STK38L: variants seen among roughly 807,000 people sequenced by gnomAD.
STK38L encodes serine/threonine-protein kinase 38-like.
STK38L carries 28 observed loss-of-function variants against 59.7 expected under a neutral mutation model. The ratio of observed to expected loss-of-function variants is 0.47; its 90% CI spans 0.35 to 0.64. The LOEUF is 0.64. STK38L is among the 30% of genes least tolerant of loss of function. The pLI is 0.01. For missense variants in STK38L, 314 were observed against 555.8 expected (o/e 0.56, Z 4.37); for synonymous variants, 162 against 176.8 (o/e 0.92, Z 0.66).
intron 1 of STK38L, among the ~76,000 whole-genome samples, chr12:27,268,364 T>C (rs375751105): frequency 2.6e-5 from 4 of 151,792 alleles, no homozygotes; most frequent in East Asian, 1.9e-4. Context: ...TGAGAACATG[T>C]GGTGTTTGGT....
At chr12:27,266,877 T>G (rs1943311869) in intron 1 of STK38L, among the ~76,000 whole-genome samples, 1 of 152,222 alleles carries the variant, frequency 6.6e-6, no homozygotes, top group Admixed American at 6.5e-5. Flanking sequence ...TGTTCCTTCC[T>G]TCATAGGTTC....
chr12:27,315,459 A>C (rs1302702500), intron 9 of STK38L, 109 bp downstream of exon 9: 1 of 829,066 alleles, frequency 1.2e-6, no homozygotes, highest in Non-Finnish European at 1.8e-6. Context: ...CTTCATAACA[A>C]TGGTAGCGCT....
At chr12:27,273,192 C>A (rs1464811637) in intron 1 of STK38L, among the ~76,000 whole-genome samples, 1 of 151,400 alleles carries the variant, frequency 6.6e-6, no homozygotes, top group South Asian at 2.1e-4. Flanking sequence ...CTTTATTGAT[C>A]CCTGTAAGTG....
At chr12:27,283,919 C>T (rs1390690363) in intron 1 of STK38L, among the ~76,000 whole-genome samples, 2 of 152,144 alleles carry the variant, frequency 1.3e-5, no homozygotes, top group African/African-American at 2.4e-5. Context: ...GCTAAATATA[C>T]GTTTAGAAGT....
At chr12:27,294,063 T>TA (rs1169416754) in intron 1 of STK38L, among the ~76,000 whole-genome samples, 30 of 152,288 alleles carry the variant, frequency 2.0e-4, no homozygotes, top group African/African-American at 6.3e-4. Flanking sequence ...CCACCCCAAA[T>TA]ATTTGTTGAA....
At chr12:27,311,140 G>A (rs1944444882) in intron 5 of STK38L, among the ~76,000 whole-genome samples, 2 of 152,160 alleles carry the variant, frequency 1.3e-5, no homozygotes, top group Admixed American at 1.3e-4. Context: ...CCATGTTTAT[G>A]TTGTAGTTGT....
chr12:27,286,465 A>G (rs1022850885), intron 1 of STK38L, among the ~76,000 whole-genome samples: 1 of 152,220 alleles, frequency 6.6e-6, no homozygotes, highest in Non-Finnish European at 1.5e-5. Flanking sequence ...TGTACTTGAA[A>G]ATAGAACTTT....
At chr12:27,304,279 AAG>A (rs1555141229) in intron 3 of STK38L, among the ~76,000 whole-genome samples, 3 of 151,180 alleles carry the variant, frequency 2.0e-5, no homozygotes, top group South Asian at 2.1e-4. Flanking sequence ...AAAAAAAAAA[AAG>A]AGTTTCTATA....
chr12:27,282,186 G>A (rs921562881), intron 1 of STK38L, among the ~76,000 whole-genome samples: 1 of 152,078 alleles, frequency 6.6e-6, no homozygotes, highest in Non-Finnish European at 1.5e-5. Context: ...CTCAACTTTC[G>A]AGTCAGGTGA....
At chr12:27,319,306 T>G (rs1349357723) in intron 11 of STK38L, 22 bp from the exon 12 acceptor site, 8 of 1,513,200 alleles carry the variant, frequency 5.3e-6, no homozygotes, top group Non-Finnish European at 9.2e-7. Flanking sequence ...TGTATGATAA[T>G]TTCTCTGTTT....
chr12:27,322,108 A>G, intron 12 of STK38L, 35 bp from the exon 13 acceptor site: 1 of 1,578,840 alleles, frequency 6.3e-7, no homozygotes, highest in Non-Finnish European at 8.6e-7. Flanking sequence ...AGAGTTCAAG[A>G]AAAGTTACCA....
chr12:27,253,584 G>C (rs1300705612), intron 1 of STK38L, among the ~76,000 whole-genome samples: 1 of 152,170 alleles, frequency 6.6e-6, no homozygotes, highest in East Asian at 1.9e-4. Context: ...ATTCACAGGG[G>C]TAGAAATAGC....
At chr12:27,294,675 A>G (rs1012996765) in intron 1 of STK38L, among the ~76,000 whole-genome samples, 1 of 150,826 alleles carries the variant, frequency 6.6e-6, no homozygotes, top group African/African-American at 2.4e-5. Flanking sequence ...GATGTTTTCT[A>G]TACACGATCC....
rs1277603083 is a variant in STK38L at position 27,317,379 on chromosome 12, T to C, written c.881T>C (p.Val294Ala). ...ACACCAGATTACATTGCTCCAGAAG[T>C]ATTCATGCAGACTGGTTACAACAAA... is the stretch of plus-strand genomic sequence containing the variant. ...VGTPDYIAPE[V>A]FMQTGYNKLC... Residue 294 changes from valine to alanine, a missense_variant, in exon 10 of 14, where the codon GTA (valine) becomes GCA (alanine). Coordinates refer to ENST00000389032, the MANE Select transcript of STK38L (RefSeq NM_015000.4). 1 of 1,613,512 alleles carries C rather than the reference T, an allele frequency of 6.2e-7. No homozygotes were observed. Among genetic ancestry groups the C allele is most frequent in the East Asian group, 2.2e-5 (1 of 44,878 alleles).
At chr12:27,249,832 G>T (rs970325368) in intron 1 of STK38L, among the ~76,000 whole-genome samples, 1 of 152,094 alleles carries the variant, frequency 6.6e-6, no homozygotes, top group African/African-American at 2.4e-5. Flanking sequence ...CTCTGATCCC[G>T]TATGCACAGA....
chr12:27,279,558 G>A lies in STK38L; in HGVS notation c.-11-18152G>A, dbSNP rs547543091. ...TGGCCAACATGGTGAAACCCTGTCT[G>A]TACGAAAAAATACAAAAATTAGCCG... is the stretch of plus-strand genomic sequence containing the variant. On this transcript the variant is annotated intron_variant, in intron 1 of 13. Transcript: ENST00000389032. Among the ~76,000 whole-genome samples, 9 of 151,808 alleles carry A rather than the reference G, an allele frequency of 5.9e-5. No homozygotes were observed. In the South Asian group the frequency reaches 1.7e-3, roughly 28 times the overall value.
Position 27,309,060 on chromosome 12 carries a change from T to G in STK38L, c.310-54T>G, listed in dbSNP as rs562035965. Reference sequence around the variant, plus strand: ...CTTTCTTTAAGGGAAGTTACTTTTCTTTCCTGAACAAATAGTAGTGACTGT... The same window carrying G: ...CTTTCTTTAAGGGAAGTTACTTTTCGTTCCTGAACAAATAGTAGTGACTGT... On this transcript the variant is annotated intron_variant, in intron 4 of 13. Coordinates refer to ENST00000389032, the MANE Select transcript of STK38L (RefSeq NM_015000.4). 1.5e-5 allele frequency: 20 copies of G among 1,314,948 alleles called. No homozygotes were observed. In the South Asian group the frequency reaches 4.0e-4, roughly 26 times the overall value. The allele number at this position is 1,314,948 out of a possible 1,614,324, so 81.5% of individuals were successfully genotyped here.
chr12:27,276,652 T>C (rs1028911947), intron 1 of STK38L, among the ~76,000 whole-genome samples: 4 of 152,216 alleles, frequency 2.6e-5, no homozygotes, highest in South Asian at 2.1e-4. Context: ...TTTTAAAAAA[T>C]TATCCATAAG....
At chr12:27,255,952 G>A (rs1431015622) in intron 1 of STK38L, among the ~76,000 whole-genome samples, 2 of 152,110 alleles carry the variant, frequency 1.3e-5, no homozygotes, top group Non-Finnish European at 1.5e-5. Flanking sequence ...AGCCATTCTT[G>A]TGCTCCTTAG....
Sources: gnomAD v4.1 joint callset for allele counts (sites outside exome capture counted in the v4.1 genomes callset) on GRCh38, gnomAD v4.1.1 for gene constraint, MANE v1.5 for transcripts, NCBI Gene and HGNC (gene_info 2026-07-23, HGNC 2026-07-21) for gene names.